The following ERLEC1 variants were observed in gnomAD, a reference collection of about 807,000 sequenced individuals.
ERLEC1 encodes the protein ER lectin.
ERLEC1 carries 47 observed loss-of-function variants against 68.0 expected under a neutral mutation model. That is an observed-to-expected ratio of 0.69 (90% CI 0.55 to 0.88). The LOEUF is 0.88. Ranked by LOEUF, ERLEC1 falls within the 40% of genes least tolerant of loss-of-function variation. The pLI is 0.00. For synonymous variants in ERLEC1, 225 were observed against 203.2 expected (o/e 1.11, Z -0.91); for missense variants, 567 against 583.8 (o/e 0.97, Z 0.30).
Position 53,787,137 on chromosome 2 carries a change from A to ACCT in ERLEC1, c.-57_-55dup, listed in dbSNP as rs941817958. On this transcript the variant is annotated 5_prime_UTR_variant, in exon 1 of 14. Transcript: ENST00000185150. ...TTATAGTCCCGCCGCCTCCTCCTCC[A>ACCT]CCTCCTCCTCCTCCTCCTCTCCTCC... 108 of 1,021,616 alleles carry ACCT rather than the reference A, an allele frequency of 1.1e-4. No homozygotes were observed. Among genetic ancestry groups the ACCT allele is most frequent in the East Asian group, 4.2e-4 (10 of 24,092 alleles). The allele number at this position is 1,021,616 out of a possible 1,614,324, so 63.3% of individuals were successfully genotyped here. A position where few individuals can be genotyped will look rare whatever the true frequency, so the allele number is the denominator to read the frequency against.
At chr2:53,816,918 A>T (rs916469021) in intron 13 of ERLEC1, among the ~76,000 whole-genome samples, 2 of 152,176 alleles carry the variant, frequency 1.3e-5, no homozygotes, top group African/African-American at 4.8e-5. Context: ...TGATACTCCA[A>T]TAAGACATGT....
chr2:53,815,791 C>G (rs1234447264), intron 13 of ERLEC1, among the ~76,000 whole-genome samples: 1 of 151,814 alleles, frequency 6.6e-6, no homozygotes, highest in African/African-American at 2.4e-5. Flanking sequence ...ACATATGATA[C>G]TTTGTTACAT....
intron 3 of ERLEC1, 62 bp downstream of exon 3, chr2:53,796,075 G>A: frequency 9.0e-7 from 1 of 1,113,968 alleles, no homozygotes; most frequent in African/African-American, 1.6e-5. Context: ...ACAGACCTTT[G>A]AAAATACCGT....
intron 2 of ERLEC1, among the ~76,000 whole-genome samples, chr2:53,795,136 C>T (rs1454487665): frequency 6.6e-6 from 1 of 152,186 alleles, no homozygotes; most frequent in African/African-American, 2.4e-5. Context: ...ATGCCCTTTT[C>T]TTCCTCCTAA....
At chr2:53,813,204 G>T (rs1676685700) in intron 11 of ERLEC1, 131 bp downstream of exon 11, 2 of 1,093,940 alleles carry the variant, frequency 1.8e-6, no homozygotes, top group African/African-American at 1.6e-5. Flanking sequence ...TATCTTTTAG[G>T]TTAGTTTTCT....
At chr2:53,809,935 C>T (rs939177857) in intron 10 of ERLEC1, among the ~76,000 whole-genome samples, 1 of 151,922 alleles carries the variant, frequency 6.6e-6, no homozygotes, top group African/African-American at 2.4e-5. Flanking sequence ...CCTATAATTC[C>T]ATCTACTCAG....
At chr2:53,788,568 T>A (rs1380886416) in intron 1 of ERLEC1, 1 of 152,078 alleles carries the variant, frequency 6.6e-6, no homozygotes, top group African/African-American at 2.4e-5. Context: ...GGCTAATTTT[T>A]TTTTTTTTTT....
At chr2:53,805,990 C>A (rs1429703856) in intron 8 of ERLEC1, among the ~76,000 whole-genome samples, 1 of 152,160 alleles carries the variant, frequency 6.6e-6, no homozygotes, top group South Asian at 2.1e-4. Flanking sequence ...AACTGATAAT[C>A]TTTATTTCAG....
intron 9 of ERLEC1, among the ~76,000 whole-genome samples, chr2:53,808,835 C>T (rs1400542276): frequency 6.6e-6 from 1 of 152,176 alleles, no homozygotes; most frequent in Non-Finnish European, 1.5e-5. Context: ...CACTGTGTTA[C>T]CCAGGCTGAT....
Position 53,818,026 on chromosome 2 carries a change from C to A in ERLEC1, c.*57C>A. The A allele has an allele frequency of 1.8e-6, 2 of 1,112,186 alleles. No individual in the cohort carries two copies. The highest frequency in any genetic ancestry group is 2.8e-6 in the Non-Finnish European group (2 of 725,982). The allele number at this position is 1,112,186 out of a possible 1,614,324, so 68.9% of individuals were successfully genotyped here. A position where few individuals can be genotyped will look rare whatever the true frequency, so the allele number is the denominator to read the frequency against. Reference sequence around the variant, plus strand: ...ATTGAAAGTCATGATAATTTCTGTCCCACTGTGTCTCATTATAGAGTTCTC... The same window carrying A: ...ATTGAAAGTCATGATAATTTCTGTCACACTGTGTCTCATTATAGAGTTCTC... On this transcript the variant is annotated 3_prime_UTR_variant, in exon 14 of 14. Coordinates refer to ENST00000185150, the MANE Select transcript of ERLEC1 (RefSeq NM_015701.5).
chr2:53,803,752 AAATT>A (rs1204385542), intron 8 of ERLEC1, among the ~76,000 whole-genome samples: 2 of 152,246 alleles, frequency 1.3e-5, no homozygotes, highest in Admixed American at 6.5e-5. Flanking sequence ...CCCTATCTCA[AAATT>A]AATTAATTAA....
At chr2:53,813,883 C>T (rs772392483) in intron 11 of ERLEC1, among the ~76,000 whole-genome samples, 1 of 152,030 alleles carries the variant, frequency 6.6e-6, no homozygotes, top group Non-Finnish European at 1.5e-5. Context: ...TGGTGTGCTG[C>T]ACCCATTAAC....
At chr2:53,797,081 G>A (rs142987638) in intron 3 of ERLEC1, among the ~76,000 whole-genome samples, 1 of 152,124 alleles carries the variant, frequency 6.6e-6, no homozygotes, top group Non-Finnish European at 1.5e-5. Context: ...TTTTAGTAGA[G>A]ATGGGGTTTT....
At position 53,813,059 on chromosome 2, in the gene ERLEC1, T is replaced by TA; in HGVS notation, c.1213dup (p.Thr405AsnfsTer18). ...GAGCTTATCATCTTCAAGACGATGG[T>TA]ACCCAGACAGTCAGGTAAAGATTCA... On this transcript the variant is annotated frameshift_variant, in exon 11 of 14. Coordinates refer to ENST00000185150, the MANE Select transcript of ERLEC1 (RefSeq NM_015701.5). LOFTEE classifies it high-confidence loss of function. 6.2e-7 allele frequency: 1 copy of TA among 1,610,684 alleles called. No individual in the cohort carries two copies. The highest frequency in any genetic ancestry group is 8.5e-7 in the Non-Finnish European group (1 of 1,179,414).
intron 2 of ERLEC1, among the ~76,000 whole-genome samples, chr2:53,794,923 G>C (rs1476453561): frequency 6.6e-6 from 1 of 152,128 alleles, no homozygotes; most frequent in Non-Finnish European, 1.5e-5. Context: ...AAAGTGCTGG[G>C]ATTACAGGCA....
At chr2:53,804,413 A>G (rs1017862272) in intron 8 of ERLEC1, among the ~76,000 whole-genome samples, 1 of 152,018 alleles carries the variant, frequency 6.6e-6, no homozygotes, top group African/African-American at 2.4e-5. Context: ...AGCTGGGACT[A>G]TAGGCACGTG....
intron 8 of ERLEC1, 74 bp from the exon 9 acceptor site, chr2:53,808,225 A>G: frequency 2.0e-6 from 3 of 1,500,200 alleles, no homozygotes; most frequent in Non-Finnish European, 2.7e-6. Context: ...TTTAAAAATA[A>G]TAACTTAAGC....
At chr2:53,790,948 A>G (rs139383435) in intron 1 of ERLEC1, among the ~76,000 whole-genome samples, 2,076 of 152,338 alleles carry the variant, frequency 0.014, 17 homozygotes, top group Middle Eastern at 0.051. Context: ...AGATTTCACC[A>G]AATTAAACCA....
At position 53,787,239 on chromosome 2, in the gene ERLEC1, G is replaced by A. The variant is rs748375801; in HGVS notation, c.29G>A (p.Ser10Asn). 1.2e-5 allele frequency: 20 copies of A among 1,606,204 alleles called. No individual in the cohort carries two copies. In the African/African-American group the frequency reaches 2.4e-4, roughly 19 times the overall value. Residue 10 changes from serine to asparagine, a missense_variant, in exon 1 of 14, where the codon AGT becomes AAT. By Grantham distance (46) the Ser-to-Asn change is conservative. Coordinates refer to ENST00000185150, the MANE Select transcript of ERLEC1 (RefSeq NM_015701.5). MEEGGGGVRSLVPGGPVLLV... is the reference protein window; with the variant it reads MEEGGGGVRNLVPGGPVLLV... ...GAGGAAGGAGGCGGCGGCGTACGGA[G>A]TCTGGTCCCGGGCGGGCCGGTGTTA...
Sources: gnomAD v4.1 joint callset for allele counts (sites outside exome capture counted in the v4.1 genomes callset) on GRCh38, gnomAD v4.1.1 for gene constraint, MANE v1.5 for transcripts, NCBI Gene and HGNC (gene_info 2026-07-23, HGNC 2026-07-21) for gene names.